Variants in TMEM117 observed in about 807,000 individuals in gnomAD.
TMEM117 encodes transmembrane protein 117.
Under a neutral mutation model 52.4 loss-of-function variants are expected in TMEM117, and 27 were observed. That is an observed-to-expected ratio of 0.51 (90% CI 0.38 to 0.71). The LOEUF is 0.71. Ranked by LOEUF, TMEM117 falls within the 30% of genes least tolerant of loss-of-function variation. The probability of loss-of-function intolerance (pLI) is 0.00; values close to 1 mark genes in which losing one functional copy is unlikely to be tolerated. For missense variants in TMEM117, 556 were observed against 630.5 expected (o/e 0.88, Z 1.26); for synonymous variants, 215 against 206.3 (o/e 1.04, Z -0.36).
In TMEM117 at chr12:44,254,738, A is replaced by G. The variant is rs1950237998; in HGVS notation, c.608+43351A>G. Reference sequence around the variant, plus strand: ...TTTGTTACATATGTATACATGTGCCATGTTGATGTGCTGCACCCATTAACT... The same window carrying G: ...TTTGTTACATATGTATACATGTGCCGTGTTGATGTGCTGCACCCATTAACT... On this transcript the variant is annotated intron_variant, in intron 5 of 7. Transcript: ENST00000266534. Among the ~76,000 whole-genome samples the G allele has an allele frequency of 5.9e-5, 9 of 152,152 alleles. No individual in the cohort carries two copies. In the South Asian group the frequency reaches 1.5e-3, roughly 25 times the overall value.
At chr12:43,863,924 CTGCGCCCGGCGCTT>C (rs1207136897) in intron 2 of TMEM117, among the ~76,000 whole-genome samples, 2 of 152,222 alleles carry the variant, frequency 1.3e-5, no homozygotes, top group Non-Finnish European at 2.9e-5. Context: ...GGAACCGGGG[CTGCGCCCGGCGCTT>C]GCGGGCCAGC....
In TMEM117 at chr12:44,353,116, A is replaced by G. The variant is rs145424609; in HGVS notation, c.769-23479A>G. On this transcript the variant is annotated intron_variant, in intron 6 of 7. Coordinates refer to ENST00000266534, the MANE Select transcript of TMEM117 (RefSeq NM_032256.3). ...CTTCTTTTGAGCGGTGTCTGTTCATATCCTTTGCCCACTTTTTGATGGGGT... is the reference window on the plus strand; with the variant it reads ...CTTCTTTTGAGCGGTGTCTGTTCATGTCCTTTGCCCACTTTTTGATGGGGT... 2.6e-3 allele frequency among the ~76,000 whole-genome samples: 398 copies of G among 152,184 alleles called. 3 individuals carry two copies. The highest frequency in any genetic ancestry group is 9.0e-3 in the African/African-American group (375 of 41,542).
chr12:44,393,942 T>G (rs1427980259), downstream of TMEM117, among the ~76,000 whole-genome samples: 6 of 152,194 alleles, frequency 3.9e-5, no homozygotes, highest in Non-Finnish European at 8.8e-5. Context: ...GTCATTTCAC[T>G]TTCTTTGGGG....
chr12:44,235,126 T>C (rs1034973231), intron 5 of TMEM117, among the ~76,000 whole-genome samples: 40 of 151,664 alleles, frequency 2.6e-4, no homozygotes, highest in African/African-American at 8.7e-4. Context: ...ACATCTTAAG[T>C]GGTGCATAGA....
intron 5 of TMEM117, among the ~76,000 whole-genome samples, chr12:44,288,172 G>T (rs1051594466): frequency 6.6e-6 from 1 of 152,104 alleles, no homozygotes; most frequent in Admixed American, 6.5e-5. Flanking sequence ...CAATACATTT[G>T]CATCTGCAGT....
intron 2 of TMEM117, among the ~76,000 whole-genome samples, chr12:43,904,230 C>A (rs1289080929): frequency 6.6e-6 from 1 of 152,132 alleles, no homozygotes; most frequent in Admixed American, 6.5e-5. Flanking sequence ...ACCTTTTAGG[C>A]CAGACACGGT....
At chr12:44,105,924 GT>G (rs1248945460) in intron 3 of TMEM117, among the ~76,000 whole-genome samples, 1 of 152,030 alleles carries the variant, frequency 6.6e-6, no homozygotes, top group East Asian at 1.9e-4. Flanking sequence ...ACCTGGTAGA[GT>G]TCCAGGAAGT....
At chr12:43,836,532 G>A (rs1207627872) in intron 1 of TMEM117, among the ~76,000 whole-genome samples, 1 of 152,136 alleles carries the variant, frequency 6.6e-6, no homozygotes, top group Non-Finnish European at 1.5e-5. Flanking sequence ...GAGATACGGC[G>A]GGAGAGCAGA....
chr12:43,845,875 T>C (rs974791803), intron 2 of TMEM117, among the ~76,000 whole-genome samples: 1 of 152,222 alleles, frequency 6.6e-6, no homozygotes, highest in Non-Finnish European at 1.5e-5. Context: ...CATGAACTCA[T>C]CTTTTCTTAT....
intron 3 of TMEM117, among the ~76,000 whole-genome samples, chr12:44,084,046 T>A (rs1166697315): frequency 1.3e-5 from 2 of 152,174 alleles, no homozygotes; most frequent in Non-Finnish European, 2.9e-5. Context: ...TTTATTGAAA[T>A]GGTCTCCAAC....
At chr12:44,236,605 G>A (rs764451021) in intron 5 of TMEM117, among the ~76,000 whole-genome samples, 2 of 152,048 alleles carry the variant, frequency 1.3e-5, no homozygotes, top group Non-Finnish European at 1.5e-5. Flanking sequence ...AACATTTTGA[G>A]TGAATGTTTC....
intron 2 of TMEM117, among the ~76,000 whole-genome samples, chr12:43,910,111 C>T (rs12302508): frequency 9.3e-6 from 1 of 107,772 alleles, no homozygotes; most frequent in Non-Finnish European, 1.9e-5. Context: ...TACTGGCAAA[C>T]CGAATCCAGC....
At chr12:44,019,031 A>G (rs1359708101) in intron 3 of TMEM117, among the ~76,000 whole-genome samples, 5 of 152,120 alleles carry the variant, frequency 3.3e-5, no homozygotes, top group Non-Finnish European at 1.5e-5. Flanking sequence ...GCTGCACTCA[A>G]CCCTAAGTGG....
chr12:43,950,272 A>C (rs1199400144), intron 3 of TMEM117, among the ~76,000 whole-genome samples: 1 of 152,230 alleles, frequency 6.6e-6, no homozygotes, highest in Non-Finnish European at 1.5e-5. Context: ...AATTAACAGC[A>C]GTTATAAGTG....
At chr12:44,340,467 C>G (rs1434285994) in intron 6 of TMEM117, among the ~76,000 whole-genome samples, 1 of 152,066 alleles carries the variant, frequency 6.6e-6, no homozygotes, top group Admixed American at 6.6e-5. Context: ...AGAAAGTTTG[C>G]CAGCATTACC....
chr12:44,233,746 A>G (rs990334698), intron 5 of TMEM117, among the ~76,000 whole-genome samples: 1 of 151,386 alleles, frequency 6.6e-6, no homozygotes, highest in African/African-American at 2.4e-5. Flanking sequence ...TATATTGCCA[A>G]ATTTTATCAC....
intron 4 of TMEM117, among the ~76,000 whole-genome samples, chr12:44,190,112 A>G (rs559072729): frequency 9.1e-4 from 139 of 152,290 alleles, no homozygotes; most frequent in African/African-American, 3.2e-3. Flanking sequence ...GGAAAGTAAT[A>G]ATGAAAATGG....
chr12:43,970,901 T>G (rs1945574231), intron 3 of TMEM117, among the ~76,000 whole-genome samples: 1 of 146,862 alleles, frequency 6.8e-6, no homozygotes, highest in African/African-American at 2.7e-5. Flanking sequence ...TACCCTTGAT[T>G]TTTTTTTCAG....
chr12:44,311,849 G>A (rs868331750), intron 6 of TMEM117, among the ~76,000 whole-genome samples: 6 of 113,872 alleles, frequency 5.3e-5, no homozygotes, highest in Non-Finnish European at 1.0e-4. Context: ...GTATATATAT[G>A]TATATATGTA....
Sources: allele counts gnomAD v4.1 joint callset (sites outside exome capture counted in the v4.1 genomes callset), GRCh38; gene constraint gnomAD v4.1.1; transcripts MANE v1.5; gene names NCBI Gene and HGNC (gene_info 2026-07-23, HGNC 2026-07-21).